TRAPPC9: variants seen among roughly 807,000 people sequenced by gnomAD.
TRAPPC9 encodes trafficking protein particle complex subunit 9.
Under a neutral mutation model 124.0 loss-of-function variants are expected in TRAPPC9, and 83 were observed. That is an observed-to-expected ratio of 0.67 (90% CI 0.56 to 0.80). The LOEUF (loss-of-function observed/expected upper bound fraction) is 0.80, where lower values mean the gene tolerates loss of function less well. Among genes scored for constraint, TRAPPC9 ranks in the 30% least tolerant of loss-of-function variants. TRAPPC9 has a pLI of 0.00. For missense variants in TRAPPC9, 1,302 were observed against 1,508.3 expected (o/e 0.86, Z 2.27); for synonymous variants, 638 against 617.5 (o/e 1.03, Z -0.49).
intron 17 of TRAPPC9, among the ~76,000 whole-genome samples, chr8:140,035,274 G>A: frequency 6.6e-6 from 1 of 152,176 alleles, no homozygotes; most frequent in East Asian, 1.9e-4. Flanking sequence ...TTTAAATACT[G>A]CTGATCTTCA....
chr8:140,342,741 A>G lies in TRAPPC9; in HGVS notation c.1495+17309T>C, dbSNP rs541802235. 4.6e-4 allele frequency among the ~76,000 whole-genome samples: 70 copies of G among 152,292 alleles called. 2 individuals are homozygous for G. Among genetic ancestry groups the G allele is most frequent in the Admixed American group, 4.5e-3 (69 of 15,298 alleles). On this transcript the variant is annotated intron_variant, in intron 9 of 22. Coordinates refer to ENST00000438773, the MANE Select transcript of TRAPPC9 (RefSeq NM_001160372.4). ...GGAGAAAAAAATGCAAGGGGGAAAA[A>G]CGCATGTCAGGAATGAAAAATAGGA... is the stretch of plus-strand genomic sequence containing the variant.
intron 9 of TRAPPC9, among the ~76,000 whole-genome samples, chr8:140,356,500 G>A (rs1171871707): frequency 1.3e-5 from 2 of 152,160 alleles, no homozygotes; most frequent in Admixed American, 1.3e-4. Context: ...GTACCCAAAG[G>A]GGAAGATATG....
At chr8:139,969,836 C>A (rs1285466276) in intron 19 of TRAPPC9, among the ~76,000 whole-genome samples, 2 of 152,208 alleles carry the variant, frequency 1.3e-5, no homozygotes, top group East Asian at 3.9e-4. Context: ...TGTAACTTCA[C>A]AAAGACTTTA....
At chr8:140,199,072 G>A (rs890585625) in intron 17 of TRAPPC9, among the ~76,000 whole-genome samples, 2 of 152,196 alleles carry the variant, frequency 1.3e-5, no homozygotes, top group Non-Finnish European at 2.9e-5. Context: ...ACCCCCAGGA[G>A]AATTCAGAGA....
At chr8:140,432,699 T>C (rs2070687218) in intron 4 of TRAPPC9, among the ~76,000 whole-genome samples, 1 of 151,984 alleles carries the variant, frequency 6.6e-6, no homozygotes, top group Non-Finnish European at 1.5e-5. Flanking sequence ...GGTGAAATCC[T>C]GTCTCTACTA....
At chr8:139,784,645 A>ATATATATATATATATATATATATATAT (rs71318315) in intron 21 of TRAPPC9, among the ~76,000 whole-genome samples, 2 of 140,982 alleles carry the variant, frequency 1.4e-5, no homozygotes, top group Non-Finnish European at 3.1e-5. Context: ...ATATATATAT[A>ATATATATATATATATATATATATATAT]AATCAACTGC....
At chr8:140,407,410 T>A (rs1439128723) in intron 5 of TRAPPC9, among the ~76,000 whole-genome samples, 1 of 151,738 alleles carries the variant, frequency 6.6e-6, no homozygotes, top group South Asian at 2.1e-4. Flanking sequence ...TTTTTTTCCC[T>A]TGGAGAAATG....
intron 17 of TRAPPC9, among the ~76,000 whole-genome samples, chr8:140,155,460 A>G (rs1039644746): frequency 2.0e-5 from 3 of 152,136 alleles, no homozygotes; most frequent in Admixed American, 6.5e-5. Flanking sequence ...GATGTTCAAG[A>G]GTGTTCGTTG....
At chr8:140,017,552 C>T (rs1839547915) in intron 18 of TRAPPC9, among the ~76,000 whole-genome samples, 1 of 152,148 alleles carries the variant, frequency 6.6e-6, no homozygotes, top group Non-Finnish European at 1.5e-5. Flanking sequence ...GGAACTATTT[C>T]TGGACTATCT....
rs534762286 is a variant in TRAPPC9, at chr8:139,746,463, G to A, written c.3056-14261C>T. Among the ~76,000 whole-genome samples, 3 of 152,332 alleles carry A rather than the reference G, an allele frequency of 2.0e-5. No individual in the cohort carries two copies. The East Asian group carries it at 5.8e-4, about 29-fold the overall frequency. On this transcript the variant is annotated intron_variant, in intron 21 of 22. Transcript: ENST00000438773. ...TGGAGGAGGGAGGAGCTGCAAGATA[G>A]GCGGGCTATGGGACCAACAGGTCCA... is the stretch of plus-strand genomic sequence containing the variant.
chr8:140,235,784 T>G (rs960267046), intron 16 of TRAPPC9, among the ~76,000 whole-genome samples: 1 of 152,196 alleles, frequency 6.6e-6, no homozygotes, highest in South Asian at 2.1e-4. Context: ...ACCAAATACA[T>G]GCACAAGAAT....
Position 139,729,805 on chromosome 8 carries a change from T to C in TRAPPC9, c.*1256A>G, listed in dbSNP as rs1359690843. Among the ~76,000 whole-genome samples the C allele has an allele frequency of 6.6e-6, 1 of 152,188 alleles. No individual in the cohort carries two copies. The highest frequency in any genetic ancestry group is 1.5e-5 in the Non-Finnish European group (1 of 68,020). ...CAGCCACTTCCTGGCTCTGCCTGTTTGGCCAACTGGCCTTTAGGAAGCCCC... is the reference window on the plus strand; with the variant it reads ...CAGCCACTTCCTGGCTCTGCCTGTTCGGCCAACTGGCCTTTAGGAAGCCCC... On this transcript the variant is annotated 3_prime_UTR_variant, in exon 23 of 23. Transcript: ENST00000438773.
Position 140,104,742 on chromosome 8 carries a change from C to T in TRAPPC9, c.2557-80663G>A, listed in dbSNP as rs1203681157. 6.6e-6 allele frequency among the ~76,000 whole-genome samples: 1 copy of T among 152,214 alleles called. No homozygotes were observed. Among genetic ancestry groups the T allele is most frequent in the African/African-American group, 2.4e-5 (1 of 41,446 alleles). On this transcript the variant is annotated intron_variant, in intron 17 of 22. Coordinates refer to ENST00000438773, the MANE Select transcript of TRAPPC9 (RefSeq NM_001160372.4). This position sits in a 1 kb window ranked among gnomAD's most constrained non-coding sequence, Gnocchi z 4.0. ...CAGGCCCGGACCAGCTGTAGTTACC[C>T]AGCTAACAGAAGAACGGTTCACACC...
intron 17 of TRAPPC9, among the ~76,000 whole-genome samples, chr8:140,025,105 C>T (rs979545785): frequency 2.0e-5 from 3 of 152,232 alleles, no homozygotes; most frequent in East Asian, 1.9e-4. Flanking sequence ...GGCTGGGGAC[C>T]GAAGGGGAAC....
intron 6 of TRAPPC9, among the ~76,000 whole-genome samples, chr8:140,404,992 T>C (rs1009233016): frequency 6.6e-6 from 1 of 151,790 alleles, no homozygotes; most frequent in African/African-American, 2.4e-5. Context: ...AAGTTGTTGA[T>C]AATAAACCAA....
chr8:139,849,605 T>C (rs1827317265), intron 21 of TRAPPC9, among the ~76,000 whole-genome samples: 1 of 152,222 alleles, frequency 6.6e-6, no homozygotes, highest in African/African-American at 2.4e-5. Context: ...TCAGAGTACT[T>C]CGTGTAATAT....
Position 140,287,694 on chromosome 8 carries a change from G to A in TRAPPC9, c.1895C>T (p.Ala632Val), listed in dbSNP as rs780799731. 13 of 1,614,042 alleles carry A rather than the reference G, an allele frequency of 8.1e-6. No homozygotes were observed. The highest frequency in any genetic ancestry group is 6.7e-5 in the African/African-American group (5 of 74,922). The change falls in exon 13 of 23, where the codon GCG becomes GTG. Residue 632 changes from alanine to valine, a missense_variant. By Grantham distance (64) the Ala-to-Val change is moderately conservative. Transcript: ENST00000438773. ...TSGVEFESLPAALSLPAESGL... is the reference protein window; with the variant it reads ...TSGVEFESLPVALSLPAESGL... ...AGATTCAGCCGGAAGAGAAAGCGCC[G>A]CAGGGAGAGACTCGAACTCCACTCC...
intron 16 of TRAPPC9, among the ~76,000 whole-genome samples, chr8:140,238,882 G>A (rs575339549): frequency 2.6e-5 from 4 of 152,330 alleles, no homozygotes; most frequent in East Asian, 1.9e-4. Context: ...CGCGACCCCC[G>A]TGCTGACGCC....
chr8:140,221,212 C>T (rs566288119), intron 17 of TRAPPC9, among the ~76,000 whole-genome samples: 5 of 152,324 alleles, frequency 3.3e-5, no homozygotes, highest in African/African-American at 4.8e-5. Flanking sequence ...AATCACCGCA[C>T]GCCTGGATTC....
Sources: gnomAD v4.1 joint callset for allele counts (sites outside exome capture counted in the v4.1 genomes callset) on GRCh38, gnomAD v4.1.1 for gene constraint, Gnocchi (gnomAD v3.1) non-coding constraint, MANE v1.5 for transcripts, NCBI Gene and HGNC (gene_info 2026-07-23, HGNC 2026-07-21) for gene names.